PCTP: variants seen among roughly 807,000 people sequenced by gnomAD.
PCTP encodes START domain-containing protein 2.
A neutral mutation model predicts 31.0 loss-of-function variants in PCTP; 27 were observed. That is an observed-to-expected ratio of 0.87 (90% CI 0.64 to 1.20). PCTP has a LOEUF of 1.20. Ranked by LOEUF, PCTP falls within the 50% of genes most tolerant of loss-of-function variation. The probability of loss-of-function intolerance (pLI) is 0.00; values close to 1 mark genes in which losing one functional copy is unlikely to be tolerated. For missense variants in PCTP, 287 were observed against 268.2 expected (o/e 1.07, Z -0.49); for synonymous variants, 108 against 101.2 (o/e 1.07, Z -0.40).
downstream of PCTP, among the ~76,000 whole-genome samples, chr17:55,845,887 G>GGGGGGTGTGTGTGT (rs1555572496): frequency 7.0e-6 from 1 of 142,962 alleles, no homozygotes; most frequent in Non-Finnish European, 1.5e-5. Flanking sequence ...AGAGGGTTGG[G>GGGGGGTGTGTGTGT]GTGTGTGTGT....
At chr17:55,801,092 A>G (rs1912361380) in intron 3 of PCTP, among the ~76,000 whole-genome samples, 1 of 152,124 alleles carries the variant, frequency 6.6e-6, no homozygotes, top group Non-Finnish European at 1.5e-5. Flanking sequence ...CCCAGTCTGG[A>G]GGCACAGGGA....
intron 2 of PCTP, among the ~76,000 whole-genome samples, chr17:55,767,765 C>CTTTT (rs10634278): frequency 0.055 from 5,658 of 103,216 alleles, 455 homozygotes; most frequent in African/African-American, 0.13. Flanking sequence ...GCACCCAGTG[C>CTTTT]TTTTTTTTTT....
chr17:55,760,842 G>A (rs1910305773), intron 1 of PCTP, among the ~76,000 whole-genome samples: 1 of 152,148 alleles, frequency 6.6e-6, no homozygotes, highest in Admixed American at 6.5e-5. Flanking sequence ...CTTAGGGAAG[G>A]AAAGGGTTCC....
At chr17:55,757,390 C>T (rs531609861) in intron 1 of PCTP, among the ~76,000 whole-genome samples, 6 of 151,154 alleles carry the variant, frequency 4.0e-5, no homozygotes, top group South Asian at 2.1e-4. Context: ...TTCATTCAAT[C>T]GTCTCAACAA....
intron 3 of PCTP, among the ~76,000 whole-genome samples, chr17:55,810,817 T>C (rs1912728778): frequency 6.6e-6 from 1 of 152,220 alleles, no homozygotes; most frequent in African/African-American, 2.4e-5. Flanking sequence ...GGGGCAACAC[T>C]AGGATAAAAC....
At chr17:55,819,010 C>CAAAAAAAAAAAAAAAAAAAAAA (rs56823756) in intron 3 of PCTP, among the ~76,000 whole-genome samples, 2 of 51,098 alleles carry the variant, frequency 3.9e-5, no homozygotes, top group Non-Finnish European at 7.4e-5. Flanking sequence ...GGAAAGAAAT[C>CAAAAAAAAAAAAAAAAAAAAAA]AAAAAAAAAA....
At chr17:55,755,820 A>G (rs1035676281) in intron 1 of PCTP, among the ~76,000 whole-genome samples, 1 of 152,218 alleles carries the variant, frequency 6.6e-6, no homozygotes, top group African/African-American at 2.4e-5. Flanking sequence ...TTATCCTTCT[A>G]AAGAGATGTG....
At chr17:55,845,971 A>G (rs1906142141), downstream of PCTP, among the ~76,000 whole-genome samples, 2 of 151,226 alleles carry the variant, frequency 1.3e-5, no homozygotes, top group Admixed American at 6.6e-5. Flanking sequence ...TGCTCTTGAA[A>G]TGCGCCCTGT....
chr17:55,804,065 C>G (rs55841188), intron 3 of PCTP, among the ~76,000 whole-genome samples: 24,504 of 152,128 alleles, frequency 0.16, 4,722 homozygotes, highest in African/African-American at 0.46. Flanking sequence ...TGAACAGACA[C>G]TTCTCAAAAG....
chr17:55,766,705 A>C (rs575605751), intron 1 of PCTP, among the ~76,000 whole-genome samples: 1 of 152,330 alleles, frequency 6.6e-6, no homozygotes, highest in East Asian at 1.9e-4. Flanking sequence ...TATTGTGAAT[A>C]GAGCCGCAGT....
At chr17:55,827,337 C>A (rs1489564700), downstream of PCTP, among the ~76,000 whole-genome samples, 2 of 152,194 alleles carry the variant, frequency 1.3e-5, no homozygotes, top group African/African-American at 4.8e-5. Flanking sequence ...AGCCAACCAC[C>A]AGCTAATGCC....
At chr17:55,783,149 C>CT (rs780184144) in intron 2 of PCTP, among the ~76,000 whole-genome samples, 26 of 152,002 alleles carry the variant, frequency 1.7e-4, no homozygotes, top group South Asian at 4.2e-4. Flanking sequence ...ATTTTTAGTT[C>CT]TTTTTTTTAA....
intron 1 of PCTP, among the ~76,000 whole-genome samples, chr17:55,766,253 C>G (rs1910644755): frequency 6.7e-6 from 1 of 148,620 alleles, no homozygotes; most frequent in Non-Finnish European, 1.5e-5. Flanking sequence ...TCATCAGCTG[C>G]TTTTCTTTTT....
chr17:55,845,961 T>C (rs1008042873), downstream of PCTP, among the ~76,000 whole-genome samples: 1 of 149,742 alleles, frequency 6.7e-6, no homozygotes, highest in African/African-American at 2.4e-5. Flanking sequence ...ACTGAGAAAG[T>C]GCTCTTGAAA....
At chr17:55,788,967 A>G (rs1392521483) in intron 3 of PCTP, among the ~76,000 whole-genome samples, 1 of 152,168 alleles carries the variant, frequency 6.6e-6, no homozygotes, top group African/African-American at 2.4e-5. Flanking sequence ...CAGACATTGG[A>G]GATGAGCTAG....
chr17:55,776,543 C>A lies in PCTP; in HGVS notation c.*443C>A, dbSNP rs189666902. ...CTGGCTCTTTTGCAGCTTGTGATTTCTTCCAGCTTGGGAGGGGCTGCTGGA... is the reference window on the plus strand; with the variant it reads ...CTGGCTCTTTTGCAGCTTGTGATTTATTCCAGCTTGGGAGGGGCTGCTGGA... On this transcript the variant is annotated 3_prime_UTR_variant, in exon 6 of 6. Transcript: ENST00000268896. 163 of 1,232,160 alleles carry A rather than the reference C, an allele frequency of 1.3e-4. No individual in the cohort carries two copies. In the African/African-American group the frequency reaches 2.3e-3, roughly 18 times the overall value. The allele number at this position is 1,232,160 out of a possible 1,614,324, so 76.3% of individuals were successfully genotyped here. A position where few individuals can be genotyped will look rare whatever the true frequency, so the allele number is the denominator to read the frequency against.
At chr17:55,831,289 A>G (rs1905587840) in intron 5 of PCTP, among the ~76,000 whole-genome samples, 1 of 152,186 alleles carries the variant, frequency 6.6e-6, no homozygotes, top group African/African-American at 2.4e-5. Context: ...AGGAGAGCTT[A>G]TTAGCTTGCT....
chr17:55,849,771 A>C, the PCTP span, among the ~76,000 whole-genome samples: 27,000 of 152,078 alleles, frequency 0.18, 2,766 homozygotes, highest in East Asian at 0.38. Flanking sequence ...TGCCAAAAAA[A>C]CAAAACTATA....
At chr17:55,752,806 A>G (rs1401080278) in intron 1 of PCTP, among the ~76,000 whole-genome samples, 1 of 152,284 alleles carries the variant, frequency 6.6e-6, no homozygotes, top group Non-Finnish European at 1.5e-5. Flanking sequence ...TAACAAGATG[A>G]TCAAGAAGTT....
Sources: allele counts gnomAD v4.1 joint callset (sites outside exome capture counted in the v4.1 genomes callset), GRCh38; gene constraint gnomAD v4.1.1; transcripts MANE v1.5; gene names NCBI Gene and HGNC (gene_info 2026-07-23, HGNC 2026-07-21).